IL20RA: variants seen among roughly 807,000 people sequenced by gnomAD.
IL20RA encodes interleukin-20 receptor subunit alpha.
A neutral mutation model predicts 36.5 loss-of-function variants in IL20RA; 29 were observed. That is an observed-to-expected ratio of 0.79 (90% CI 0.59 to 1.08). The LOEUF is 1.08. Among genes scored for constraint, IL20RA ranks in the 50% least tolerant of loss-of-function variants. IL20RA has a pLI of 0.00. For missense variants in IL20RA, 652 were observed against 668.4 expected (o/e 0.98, Z 0.27); for synonymous variants, 279 against 267.1 (o/e 1.04, Z -0.43).
At chr6:137,010,809 C>A (rs989680524) in intron 3 of IL20RA, among the ~76,000 whole-genome samples, 1 of 152,016 alleles carries the variant, frequency 6.6e-6, no homozygotes, top group Non-Finnish European at 1.5e-5. Flanking sequence ...TAAATAAAGT[C>A]ATTTTGTTCC....
intron 2 of IL20RA, among the ~76,000 whole-genome samples, chr6:137,011,874 T>C (rs1405930757): frequency 6.6e-6 from 1 of 152,218 alleles, no homozygotes; most frequent in Non-Finnish European, 1.5e-5. Context: ...AAAAATTACT[T>C]TGACGTTCTC....
At chr6:137,022,248 A>G (rs1403928913) in intron 1 of IL20RA, among the ~76,000 whole-genome samples, 1 of 152,112 alleles carries the variant, frequency 6.6e-6, no homozygotes, top group African/African-American at 2.4e-5. Flanking sequence ...CTGCCAGAAT[A>G]TGTCCTCCCT....
At chr6:137,021,719 T>A (rs2115395787) in intron 1 of IL20RA, among the ~76,000 whole-genome samples, 1 of 152,298 alleles carries the variant, frequency 6.6e-6, no homozygotes, top group South Asian at 2.1e-4. Context: ...TAAGAGGCTC[T>A]GTTTTAATAA....
chr6:137,030,130 G>GAGTGC (rs1229335596), intron 1 of IL20RA, among the ~76,000 whole-genome samples: 6 of 129,834 alleles, frequency 4.6e-5, no homozygotes, highest in Non-Finnish European at 7.8e-5. Flanking sequence ...ACCCAGGCTG[G>GAGTGC]AGTGCAGTGG....
At chr6:137,025,093 T>A (rs189843503) in intron 1 of IL20RA, among the ~76,000 whole-genome samples, 1 of 152,182 alleles carries the variant, frequency 6.6e-6, no homozygotes, top group Non-Finnish European at 1.5e-5. Flanking sequence ...CACATAGAGA[T>A]TTGTGTCCCC....
intron 1 of IL20RA, among the ~76,000 whole-genome samples, chr6:137,034,723 A>G (rs550436379): frequency 6.6e-6 from 1 of 151,960 alleles, no homozygotes; most frequent in Non-Finnish European, 1.5e-5. Context: ...GGCAGATCAC[A>G]AGGTCAGGAG....
chr6:137,038,439 C>T (rs945855123), intron 1 of IL20RA, among the ~76,000 whole-genome samples: 5 of 151,898 alleles, frequency 3.3e-5, no homozygotes, highest in Admixed American at 2.0e-4. Flanking sequence ...TCAAGTGACC[C>T]TTCTGCCTCA....
intron 1 of IL20RA, among the ~76,000 whole-genome samples, chr6:137,039,463 G>A (rs1490782806): frequency 6.6e-6 from 1 of 152,092 alleles, no homozygotes; most frequent in Non-Finnish European, 1.5e-5. Context: ...ATGCTTTTTT[G>A]ATAAAAAGAA....
chr6:137,031,291 G>A (rs573460740), intron 1 of IL20RA, among the ~76,000 whole-genome samples: 1 of 152,140 alleles, frequency 6.6e-6, no homozygotes, highest in Non-Finnish European at 1.5e-5. Context: ...CTGGGGCCCT[G>A]GATGATACAA....
At chr6:137,012,776 T>C (rs1312512154) in intron 2 of IL20RA, among the ~76,000 whole-genome samples, 1 of 152,192 alleles carries the variant, frequency 6.6e-6, no homozygotes, top group Non-Finnish European at 1.5e-5. Flanking sequence ...AGAGTGTGTC[T>C]TGAGAAAGAG....
intron 6 of IL20RA, among the ~76,000 whole-genome samples, chr6:137,004,391 G>T (rs564424230): frequency 2.0e-5 from 3 of 152,194 alleles, no homozygotes; most frequent in Non-Finnish European, 4.4e-5. Context: ...GGCCAGGCTG[G>T]TCTTGAACTT....
rs531501235 is a variant in IL20RA at position 137,004,159 on chromosome 6, C to CGTTTTTTTTTTTTTTTTTTTTTTTT, written c.864+461_864+462insAAAAAAAAAAAAAAAAAAAAAAAAC. Among the ~76,000 whole-genome samples the CGTTTTTTTTTTTTTTTTTTTTTTTT allele has an allele frequency of 5.7e-5, 5 of 88,008 alleles. 2 individuals are homozygous for CGTTTTTTTTTTTTTTTTTTTTTTTT. The highest frequency in any genetic ancestry group is 2.0e-5 in the Non-Finnish European group (1 of 49,122). 57.7% of individuals were successfully genotyped at this position (88,008 alleles called of 152,430 possible). On this transcript the variant is annotated intron_variant, in intron 6 of 6. Coordinates refer to ENST00000316649, the MANE Select transcript of IL20RA (RefSeq NM_014432.4). ...TCTGTTAGTCAGCTAATCCAGAAAG[C>CGTTTTTTTTTTTTTTTTTTTTTTTT]TTTTTTTTTTTTTTTTTTTTTTTTT...
At chr6:137,044,130 G>C in intron 1 of IL20RA, 3 of 985,672 alleles carry the variant, frequency 3.0e-6, no homozygotes, top group Non-Finnish European at 3.6e-6. Context: ...GTTCCTTCGG[G>C]GCTGACCCTT....
intron 1 of IL20RA, among the ~76,000 whole-genome samples, chr6:137,039,492 C>A (rs1305501702): frequency 2.0e-5 from 3 of 152,132 alleles, no homozygotes; most frequent in Non-Finnish European, 4.4e-5. Flanking sequence ...CGAGCAAATC[C>A]TCCATTAGCT....
rs774829646 is a variant in IL20RA, at chr6:137,017,032, G to A, written c.160C>T (p.Leu54=). The change falls in exon 2 of 7, where the codon CTA becomes TTA. Residue 54 remains leucine, a synonymous_variant. Coordinates refer to ENST00000316649, the MANE Select transcript of IL20RA (RefSeq NM_014432.4). ...TFLSINMKNV[L]QWTPPEGLQG... The stretch of plus-strand genomic sequence containing the variant: ...AGACCCTCTGGTGGAGTCCATTGTA[G>A]GACATTCTTCATGTTGATGGATAAG... 32 of 1,612,364 alleles carry A rather than the reference G, an allele frequency of 2.0e-5. No homozygotes were observed. The highest frequency in any genetic ancestry group is 2.6e-5 in the Non-Finnish European group (31 of 1,178,462).
intron 1 of IL20RA, chr6:137,044,181 C>T: frequency 2.0e-6 from 2 of 986,432 alleles, no homozygotes; most frequent in Non-Finnish European, 2.4e-6. Context: ...TCGCGACGCG[C>T]GGCTTGCAGG....
chr6:137,004,902 G>C (rs965800822), intron 5 of IL20RA, 142 bp from the exon 6 acceptor site: 2 of 730,154 alleles, frequency 2.7e-6, no homozygotes, highest in Non-Finnish European at 4.5e-6. Flanking sequence ...TCACCTCTAC[G>C]TTGAGAAGCT....
In IL20RA at chr6:137,004,173, T is replaced by TGTTTTTTTTTTTG. The variant is rs1372695998; in HGVS notation, c.864+447_864+448insCAAAAAAAAAAAC. The stretch of plus-strand genomic sequence containing the variant: ...AATCCAGAAAGCTTTTTTTTTTTTT[T>TGTTTTTTTTTTTG]TTTTTTTTTTTTGAGACAGAGCCTC... On this transcript the variant is annotated intron_variant, in intron 6 of 6. Coordinates refer to ENST00000316649, the MANE Select transcript of IL20RA (RefSeq NM_014432.4). 6.7e-4 allele frequency among the ~76,000 whole-genome samples: 90 copies of TGTTTTTTTTTTTG among 133,602 alleles called. 2 individuals are homozygous for TGTTTTTTTTTTTG. The highest frequency in any genetic ancestry group is 4.2e-3 in the South Asian group (16 of 3,818). 87.6% of individuals were successfully genotyped at this position (133,602 alleles called of 152,430 possible).
chr6:137,015,640 T>G (rs574631494), intron 2 of IL20RA, among the ~76,000 whole-genome samples: 17 of 152,252 alleles, frequency 1.1e-4, no homozygotes, highest in African/African-American at 4.1e-4. Flanking sequence ...GCTTTTGCTC[T>G]CCATAATTTT....
Sources: allele counts gnomAD v4.1 joint callset (sites outside exome capture counted in the v4.1 genomes callset), GRCh38; gene constraint gnomAD v4.1.1; transcripts MANE v1.5; gene names NCBI Gene and HGNC (gene_info 2026-07-23, HGNC 2026-07-21).